The following TRPC5 variants were observed in gnomAD, a reference collection of about 807,000 sequenced individuals.
TRPC5 encodes transient receptor potential cation channel subfamily C member 5, also known as short transient receptor potential channel 5.
In TRPC5, 9 loss-of-function variants were observed where a neutral mutation model predicts 56.5. That is an observed-to-expected ratio of 0.16 (90% CI 0.10 to 0.28). TRPC5 has a LOEUF of 0.28. Among genes scored for constraint, TRPC5 ranks in the 10% least tolerant of loss-of-function variants. The pLI is 1.00. For synonymous variants in TRPC5, 282 were observed against 278.5 expected (o/e 1.01, Z -0.13); for missense variants, 469 against 748.9 (o/e 0.63, Z 4.36).
chrX:111,989,965 T>G (rs1310602458), intron 1 of TRPC5, among the ~76,000 whole-genome samples: 1 of 112,177 alleles, frequency 8.9e-6, no homozygotes, highest in Non-Finnish European at 1.9e-5. Flanking sequence ...CACAAGAAGG[T>G]TTCTTGGATT....
At chrX:111,998,361 C>G (rs1928602040) in intron 1 of TRPC5, among the ~76,000 whole-genome samples, 1 of 111,757 alleles carries the variant, frequency 8.9e-6, no homozygotes, top group African/African-American at 3.3e-5. Context: ...ATAATAAAAT[C>G]AAGGCAATTG....
At chrX:112,019,260 G>A (rs1929205060) in intron 1 of TRPC5, among the ~76,000 whole-genome samples, 1 of 111,961 alleles carries the variant, frequency 8.9e-6, no homozygotes, top group Non-Finnish European at 1.9e-5. Flanking sequence ...TCATTTCAGT[G>A]AGAAATAAAT....
chrX:112,006,365 G>A (rs774875146), intron 1 of TRPC5, among the ~76,000 whole-genome samples: 6 of 111,982 alleles, frequency 5.4e-5, no homozygotes, highest in African/African-American at 1.9e-4. Context: ...TACTTATTTA[G>A]TGTTTACTAA....
chrX:112,031,204 G>A (rs867747078), intron 1 of TRPC5, among the ~76,000 whole-genome samples: 8 of 111,684 alleles, frequency 7.2e-5, no homozygotes, highest in Middle Eastern at 9.3e-3. Flanking sequence ...GGTTCCCCTA[G>A]GGCAGATGAA....
At chrX:112,023,250 T>TTTG (rs1478056382) in intron 1 of TRPC5, among the ~76,000 whole-genome samples, 3 of 82,736 alleles carry the variant, frequency 3.6e-5, no homozygotes, top group African/African-American at 1.6e-4. Context: ...TTTTTTGTTT[T>TTTG]TTTTTTTTTT....
At chrX:111,942,126 T>G (rs563409672) in intron 2 of TRPC5, among the ~76,000 whole-genome samples, 17 of 111,866 alleles carry the variant, frequency 1.5e-4, no homozygotes, top group African/African-American at 5.2e-4. Flanking sequence ...TCTGGTGTTC[T>G]CCCTTAGACA....
intron 1 of TRPC5, among the ~76,000 whole-genome samples, chrX:112,031,874 GTA>G (rs201428272): frequency 2.8e-5 from 3 of 106,121 alleles, no homozygotes; most frequent in Non-Finnish European, 3.9e-5. Context: ...ATATTCCATT[GTA>G]TATATATATA....
At chrX:111,825,146 CCTTTCTTTCTTT>C (rs570710450) in intron 7 of TRPC5, among the ~76,000 whole-genome samples, 7,219 of 58,794 alleles carry the variant, frequency 0.12, 679 homozygotes, top group East Asian at 0.2. Context: ...TTCCTTCCTT[CCTTTCTTTCTTT>C]CTTTCTTTCT....
intron 1 of TRPC5, among the ~76,000 whole-genome samples, chrX:111,959,089 A>G (rs931898841): frequency 8.9e-6 from 1 of 112,507 alleles, no homozygotes; most frequent in Non-Finnish European, 1.9e-5. Context: ...ATTTGAAGCC[A>G]TATGAAGAAA....
intron 6 of TRPC5, among the ~76,000 whole-genome samples, chrX:111,838,319 C>A (rs1409820872): frequency 9.1e-6 from 1 of 110,402 alleles, no homozygotes; most frequent in Admixed American, 9.7e-5. Flanking sequence ...GAGAAGCTGG[C>A]CTGCTGAAAA....
chrX:112,073,065 G>A (rs1450515024), intron 1 of TRPC5, among the ~76,000 whole-genome samples: 2 of 111,625 alleles, frequency 1.8e-5, no homozygotes, highest in African/African-American at 6.5e-5. Context: ...GAGTCTATAA[G>A]TTGTACTGAG....
chrX:111,815,613 C>T (rs752615525), intron 7 of TRPC5, among the ~76,000 whole-genome samples: 2 of 110,360 alleles, frequency 1.8e-5, no homozygotes, highest in Admixed American at 9.7e-5. Flanking sequence ...CGCAGCTACT[C>T]GGGAGGTTGA....
At chrX:111,939,160 A>T (rs1179381531) in intron 2 of TRPC5, among the ~76,000 whole-genome samples, 1 of 112,075 alleles carries the variant, frequency 8.9e-6, no homozygotes, top group Non-Finnish European at 1.9e-5. Context: ...AAATAATCAT[A>T]TGGTTTCTGT....
At chrX:111,852,188 T>C in intron 5 of TRPC5, 110 bp downstream of exon 5, 9 of 734,759 alleles carry the variant, frequency 1.2e-5, no homozygotes, top group Non-Finnish European at 1.8e-5. Flanking sequence ...CCCACATGGA[T>C]TGAGCCATCA....
At chrX:112,005,625 A>G (rs145524371) in intron 1 of TRPC5, among the ~76,000 whole-genome samples, 1,756 of 110,882 alleles carry the variant, frequency 0.016, 32 homozygotes, top group African/African-American at 0.054. Flanking sequence ...TAAGAGAAGT[A>G]TAAAGCACAT....
intron 1 of TRPC5, among the ~76,000 whole-genome samples, chrX:112,062,549 T>C (rs765345874): frequency 1.8e-5 from 2 of 111,980 alleles, no homozygotes; most frequent in African/African-American, 6.5e-5. Context: ...TTGAGCTGGA[T>C]CTCAAAGGAT....
intron 1 of TRPC5, among the ~76,000 whole-genome samples, chrX:111,979,448 T>C (rs1266697190): frequency 1.8e-5 from 2 of 111,460 alleles, no homozygotes; most frequent in Non-Finnish European, 3.8e-5. Context: ...AAGTATAATC[T>C]ATAATAGATG....
At chrX:111,780,268 C>T (rs1945909349) in intron 9 of TRPC5, among the ~76,000 whole-genome samples, 1 of 109,339 alleles carries the variant, frequency 9.1e-6, no homozygotes, top group African/African-American at 3.4e-5. Flanking sequence ...GAAGAGTGTC[C>T]TAATGTTTAT....
rs1374661576 is a variant in TRPC5, at chrX:111,942,458, C to T, written c.378+9585G>A. 2.6e-4 allele frequency among the ~76,000 whole-genome samples: 29 copies of T among 111,762 alleles called. No homozygotes were observed. In the Admixed American group the frequency reaches 2.8e-3, roughly 11 times the overall value. On this transcript the variant is annotated intron_variant, in intron 2 of 10. Transcript: ENST00000262839. ...AATGGTAGCATTTCTGATGATTCCT[C>T]AAAGGCAAAGTGGGGTGGTAGAAAG... is the stretch of plus-strand genomic sequence containing the variant.
Sources: allele counts gnomAD v4.1 joint callset (sites outside exome capture counted in the v4.1 genomes callset), GRCh38; gene constraint gnomAD v4.1.1; transcripts MANE v1.5; gene names NCBI Gene and HGNC (gene_info 2026-07-23, HGNC 2026-07-21).